Variants in FGF13 observed in about 807,000 individuals in gnomAD.
FGF13 encodes fibroblast growth factor 13, also known as fibroblast growth factor homologous factor 2.
A neutral mutation model predicts 19.5 loss-of-function variants in FGF13; 2 were observed. That is an observed-to-expected ratio of 0.10 (90% CI 0.04 to 0.32). The LOEUF is 0.32. Among genes scored for constraint, FGF13 ranks in the 10% least tolerant of loss-of-function variants. The probability of loss-of-function intolerance (pLI) is 1.00; values close to 1 mark genes in which losing one functional copy is unlikely to be tolerated. For missense variants in FGF13, 113 were observed against 192.7 expected, an observed-to-expected ratio of 0.59 and a Z score of 2.45; for synonymous variants, 72 against 76.9, an observed-to-expected ratio of 0.94 and a Z score of 0.33.
At position 138,617,464 on chromosome X, in the gene FGF13, A is replaced by T. The variant is rs935368263; in HGVS notation, c.*15386T>A. 8.9e-6 allele frequency: 1 copy of T among 112,252 alleles called. No individual in the cohort carries two copies. The highest frequency in any genetic ancestry group is 3.2e-5 in the African/African-American group (1 of 30,892). 9.3% of individuals were successfully genotyped at this position (112,252 alleles called of 1,213,427 possible). On this transcript the variant is annotated 3_prime_UTR_variant, in exon 5 of 5. Coordinates refer to ENST00000315930, the MANE Select transcript of FGF13 (RefSeq NM_004114.5). Reference sequence around the variant, plus strand: ...AGTTGGAGATTGTATCAAATTTGTTAGAGGTGTGGACCAAGCCAAATTAAA... The same window carrying T: ...AGTTGGAGATTGTATCAAATTTGTTTGAGGTGTGGACCAAGCCAAATTAAA...
intron 1 of FGF13, among the ~76,000 whole-genome samples, chrX:139,123,057 G>A (rs915078612): frequency 2.7e-5 from 3 of 110,207 alleles, no homozygotes; most frequent in East Asian, 2.9e-4. Context: ...CCAGGGTGGC[G>A]GGAGCAAAAT....
chrX:138,772,562 A>AT (rs1312266045), intron 3 of FGF13, among the ~76,000 whole-genome samples: 8 of 111,098 alleles, frequency 7.2e-5, no homozygotes, highest in Non-Finnish European at 1.5e-4. Flanking sequence ...GTTTTCATCC[A>AT]TTTTTTTAAA....
At chrX:139,013,338 C>A (rs2092137677) in intron 1 of FGF13, among the ~76,000 whole-genome samples, 1 of 108,165 alleles carries the variant, frequency 9.2e-6, no homozygotes, top group East Asian at 2.9e-4. Context: ...AATCCCACTA[C>A]TAGGTATCTA....
intron 3 of FGF13, among the ~76,000 whole-genome samples, chrX:138,809,035 A>C (rs2090898060): frequency 8.9e-6 from 1 of 111,973 alleles, no homozygotes; most frequent in African/African-American, 3.2e-5. Context: ...AGCTGGTACC[A>C]TTCCTTCTGA....
At chrX:138,913,638 G>GAGGAAGGAAGGAAGGAAGGA (rs747877973) in intron 1 of FGF13, among the ~76,000 whole-genome samples, 6 of 61,777 alleles carry the variant, frequency 9.7e-5, no homozygotes, top group South Asian at 1.1e-3. Context: ...AGGAGGGATG[G>GAGGAAGGAAGGAAGGAAGGA]AGGAAGGAAG....
intron 1 of FGF13, among the ~76,000 whole-genome samples, chrX:138,923,874 T>A (rs981668490): frequency 4.5e-5 from 5 of 111,901 alleles, no homozygotes; most frequent in Admixed American, 9.5e-5. Context: ...CAAATGCTTA[T>A]TCCTTTATTT....
At chrX:139,204,359 G>A, upstream of FGF13, 1 of 284,679 alleles carries the variant, frequency 3.5e-6, no homozygotes, top group Non-Finnish European at 6.1e-6. Context: ...GGCCGGCCGC[G>A]GGAGGAGCCG....
rs368290085 is a variant in FGF13 at position 138,964,978 on chromosome X, G to A, written c.-112-100328C>T. Reference sequence around the variant, plus strand: ...CAAACTACATCACCACCTATTCCAGGAGACAAGTACAATAGGTAGCTTGGA... The same window carrying A: ...CAAACTACATCACCACCTATTCCAGAAGACAAGTACAATAGGTAGCTTGGA... On this transcript the variant is annotated intron_variant, in intron 1 of 2. Transcript: ENST00000421460. Among the ~76,000 whole-genome samples, 6 of 111,930 alleles carry A rather than the reference G, an allele frequency of 5.4e-5. No homozygotes were observed. In the East Asian group the frequency reaches 1.4e-3, roughly 26 times the overall value.
intron 3 of FGF13, among the ~76,000 whole-genome samples, chrX:138,800,508 G>T (rs1375639670): frequency 1.8e-5 from 2 of 111,446 alleles, no homozygotes; most frequent in Non-Finnish European, 3.8e-5. Context: ...CCCTTAACAT[G>T]TTTTCCTTTG....
rs1319881399 is a variant in FGF13, at chrX:138,951,532, T to C, written c.-112-86882A>G. 2.7e-5 allele frequency among the ~76,000 whole-genome samples: 3 copies of C among 111,654 alleles called. No individual in the cohort carries two copies. In the Admixed American group the frequency reaches 2.9e-4, roughly 11 times the overall value. ...ACAAAGAACTTATATTCATAACTCC[T>C]ATGATACAATAAGAATACAAACAAC... On this transcript the variant is annotated intron_variant, in intron 1 of 2. Coordinates refer to the FGF13 transcript ENST00000421460.
intron 3 of FGF13, among the ~76,000 whole-genome samples, chrX:138,693,054 C>A (rs149548383): frequency 9.0e-6 from 1 of 111,436 alleles, no homozygotes; most frequent in East Asian, 2.8e-4. Flanking sequence ...ACCCTGAATA[C>A]TTTACCCATT....
intron 1 of FGF13, among the ~76,000 whole-genome samples, chrX:138,963,249 G>A (rs888234659): frequency 8.8e-6 from 1 of 113,219 alleles, no homozygotes; most frequent in African/African-American, 3.2e-5. Context: ...CATTCCCACA[G>A]GTGGACAGCT....
At chrX:138,821,156 A>G (rs1569404006) in intron 3 of FGF13, among the ~76,000 whole-genome samples, 1 of 111,456 alleles carries the variant, frequency 9.0e-6, no homozygotes, top group African/African-American at 3.3e-5. Flanking sequence ...TAATAGGCCA[A>G]ACAGCCAATG....
chrX:139,038,722 C>G (rs906044601), intron 1 of FGF13, among the ~76,000 whole-genome samples: 4 of 111,540 alleles, frequency 3.6e-5, no homozygotes, highest in Non-Finnish European at 7.5e-5. Flanking sequence ...ATTAAACAAC[C>G]ATTATTCTCT....
downstream of FGF13, among the ~76,000 whole-genome samples, chrX:138,855,908 T>C (rs182418003): frequency 3.3e-4 from 37 of 111,399 alleles, no homozygotes; most frequent in East Asian, 9.9e-3. Context: ...AACTGGCTTA[T>C]TTTTCTTAAC....
In FGF13 at chrX:138,947,686, T is replaced by A. The variant is rs900499878; in HGVS notation, c.-112-83036A>T. On this transcript the variant is annotated intron_variant, in intron 1 of 2. Transcript: ENST00000421460. ...CAAGACCAAATAACAAACAAATCCA[T>A]CACCAAGTGATTGCAAAATAATTTG... 2.7e-5 allele frequency among the ~76,000 whole-genome samples: 3 copies of A among 111,379 alleles called. No homozygotes were observed. The Admixed American group carries it at 2.9e-4, about 11-fold the overall frequency.
At chrX:138,894,358 A>G (rs780247886) in intron 1 of FGF13, among the ~76,000 whole-genome samples, 20 of 110,971 alleles carry the variant, frequency 1.8e-4, no homozygotes, top group African/African-American at 6.2e-4. Context: ...AAAAAAATCA[A>G]TGAATCAAGG....
At chrX:138,996,011 A>G (rs1274586000) in intron 1 of FGF13, among the ~76,000 whole-genome samples, 1 of 111,951 alleles carries the variant, frequency 8.9e-6, no homozygotes, top group Non-Finnish European at 1.9e-5. Flanking sequence ...AGGGTAAGCT[A>G]AAGTGTACAG....
intron 1 of FGF13, among the ~76,000 whole-genome samples, chrX:138,925,176 T>C (rs758261539): frequency 8.9e-6 from 1 of 112,164 alleles, no homozygotes; most frequent in Admixed American, 9.4e-5. Flanking sequence ...TACACATCTA[T>C]TGTCTCTCGG....
Sources: gnomAD v4.1 joint callset for allele counts (sites outside exome capture counted in the v4.1 genomes callset) on GRCh38, gnomAD v4.1.1 for gene constraint, MANE v1.5 for transcripts, NCBI Gene and HGNC (gene_info 2026-07-23, HGNC 2026-07-21) for gene names.